Variants in TNS1 observed in about 807,000 individuals in gnomAD.
The protein encoded by TNS1 is tensin 1.
A neutral mutation model predicts 168.6 loss-of-function variants in TNS1; 62 were observed. The ratio of observed to expected loss-of-function variants is 0.37; its 90% CI spans 0.30 to 0.45. The LOEUF (loss-of-function observed/expected upper bound fraction) is 0.45, where lower values mean the gene tolerates loss of function less well. Among genes scored for constraint, TNS1 ranks in the 20% least tolerant of loss-of-function variants. The pLI is 1.00. For synonymous variants in TNS1, 934 were observed against 933.2 expected (o/e 1.00, Z -0.02); for missense variants, 2,240 against 2,339.4 (o/e 0.96, Z 0.88).
At chr2:217,916,594 C>T (rs562551727) in intron 4 of TNS1, among the ~76,000 whole-genome samples, 1 of 152,000 alleles carries the variant, frequency 6.6e-6, no homozygotes, top group Non-Finnish European at 1.5e-5. Flanking sequence ...CATCCTGCCC[C>T]ACCAGTGCCC....
chr2:218,003,896 C>T (rs1958619789), upstream of TNS1, among the ~76,000 whole-genome samples: 1 of 151,992 alleles, frequency 6.6e-6, no homozygotes, highest in Non-Finnish European at 1.5e-5. Flanking sequence ...CTCGCCCCCA[C>T]CTCTGCCCAG....
intron 31 of TNS1, 44 bp from the exon 32 acceptor site, chr2:217,808,151 C>G: frequency 1.2e-6 from 2 of 1,606,504 alleles, no homozygotes; most frequent in Non-Finnish European, 1.7e-6. Flanking sequence ...CGTACTTTCT[C>G]CCTAGAGCCC....
intron 5 of TNS1, among the ~76,000 whole-genome samples, chr2:217,906,649 C>T (rs746130344): frequency 1.3e-5 from 2 of 152,218 alleles, no homozygotes; most frequent in Non-Finnish European, 2.9e-5. Context: ...CAGACAGGCT[C>T]ATGCCTTGCC....
chr2:217,822,596 C>T (rs946766496), intron 22 of TNS1, among the ~76,000 whole-genome samples: 1 of 152,222 alleles, frequency 6.6e-6, no homozygotes, highest in Admixed American at 6.5e-5. Context: ...CATTCCATCG[C>T]CCACCTCTGG....
At chr2:217,956,405 C>T (rs951501862) in intron 3 of TNS1, among the ~76,000 whole-genome samples, 1 of 148,462 alleles carries the variant, frequency 6.7e-6, no homozygotes, top group Non-Finnish European at 1.5e-5. Flanking sequence ...CTGAGGGGCG[C>T]AGCAGAAGGG....
intron 14 of TNS1, 102 bp from the exon 15 acceptor site, chr2:217,885,921 ACCTCTC>A (rs1951157409): frequency 1.9e-6 from 3 of 1,549,780 alleles, no homozygotes; most frequent in Non-Finnish European, 2.7e-6. Context: ...TTAGTGGGAA[ACCTCTC>A]TGACTCTGTC....
In TNS1 at chr2:217,809,340, GATGGATGC is replaced by G. The variant is rs879853160; in HGVS notation, c.5273+475_5273+482del. ...GCATGGATGGATGGATGGATGGATG[GATGGATGC>G]ATGGATGGATGGATGGATGGATGGA... On this transcript the variant is annotated intron_variant, in intron 30 of 32. Coordinates refer to ENST00000682258, the MANE Select transcript of TNS1 (RefSeq NM_001387777.1). 2.7e-3 allele frequency among the ~76,000 whole-genome samples: 188 copies of G among 69,222 alleles called. 4 individuals are homozygous for G. Among genetic ancestry groups the G allele is most frequent in the Non-Finnish European group, 3.1e-3 (104 of 33,052 alleles). 45.4% of individuals were successfully genotyped at this position (69,222 alleles called of 152,430 possible).
chr2:217,825,625 G>A (rs1943502796), intron 22 of TNS1, among the ~76,000 whole-genome samples: 1 of 152,134 alleles, frequency 6.6e-6, no homozygotes, highest in Non-Finnish European at 1.5e-5. Flanking sequence ...AGATAAAGTG[G>A]GCCACACCAC....
rs1937385843 is a variant in TNS1, at chr2:217,800,873, T to A, written c.*3586A>T. ...ACCCTTCTGTGCCCCCTGGACAGCATGCTCCCCTGGAGCCCCTGCACAGGC... is the reference window on the plus strand; with the variant it reads ...ACCCTTCTGTGCCCCCTGGACAGCAAGCTCCCCTGGAGCCCCTGCACAGGC... On this transcript the variant is annotated 3_prime_UTR_variant, in exon 33 of 33. Transcript: ENST00000682258. 6.6e-6 allele frequency: 1 copy of A among 152,234 alleles called. No homozygotes were observed. Among genetic ancestry groups the A allele is most frequent in the Admixed American group, 6.5e-5 (1 of 15,282 alleles). 9.4% of individuals were successfully genotyped at this position (152,234 alleles called of 1,614,324 possible).
At chr2:217,920,639 T>C (rs1345342589) in intron 3 of TNS1, among the ~76,000 whole-genome samples, 2 of 151,500 alleles carry the variant, frequency 1.3e-5, no homozygotes, top group African/African-American at 4.9e-5. Context: ...TTTTAAAAAC[T>C]GTGATTAGGA....
chr2:217,939,965 C>T (rs902182960), intron 3 of TNS1, among the ~76,000 whole-genome samples: 14 of 152,228 alleles, frequency 9.2e-5, no homozygotes, highest in African/African-American at 3.1e-4. Flanking sequence ...GACGGGAAAG[C>T]GCTCCAGACC....
At chr2:217,983,872 G>A (rs372545867) in intron 2 of TNS1, among the ~76,000 whole-genome samples, 6 of 152,188 alleles carry the variant, frequency 3.9e-5, no homozygotes, top group Admixed American at 1.3e-4. Context: ...TCTAGGCCAC[G>A]GTACCTAGAT....
At chr2:217,893,397 C>T (rs567201945) in intron 10 of TNS1, 42 bp downstream of exon 10, 124 of 1,523,802 alleles carry the variant, frequency 8.1e-5, no homozygotes, top group Middle Eastern at 4.2e-4. Context: ...CATGTGCGCG[C>T]GCGCACACAC....
At chr2:217,857,349 C>G (rs1192219594) in intron 18 of TNS1, among the ~76,000 whole-genome samples, 1 of 152,112 alleles carries the variant, frequency 6.6e-6, no homozygotes, top group African/African-American at 2.4e-5. Context: ...CCCAAGGTCA[C>G]CCGGCAAGGA....
chr2:217,872,161 G>A (rs1181764349), intron 18 of TNS1, among the ~76,000 whole-genome samples: 1 of 152,206 alleles, frequency 6.6e-6, no homozygotes, highest in Non-Finnish European at 1.5e-5. Context: ...TTGGGTCTCA[G>A]TTGTAAAAGA....
In TNS1 at chr2:217,995,373, T is replaced by C. The variant is rs1958449344; in HGVS notation, c.34-4317A>G. On this transcript the variant is annotated intron_variant, in intron 1 of 32. Transcript: ENST00000682258. This position sits in a 1 kb window ranked among gnomAD's most constrained non-coding sequence, Gnocchi z 4.1. The stretch of plus-strand genomic sequence containing the variant: ...TATTGTAAGTAGGCACCAGACATCA[T>C]CTGAAGTTCAGAAGGCAAAACCAAA... Among the ~76,000 whole-genome samples the C allele has an allele frequency of 6.6e-6, 1 of 151,932 alleles. No homozygotes were observed. The highest frequency in any genetic ancestry group is 1.5e-5 in the Non-Finnish European group (1 of 67,984).
Position 217,847,758 on chromosome 2 carries a change from G to C in TNS1, c.2759C>G (p.Pro920Arg), listed in dbSNP as rs1946859394. ...ESVPPGRSYS[P>R]YDYQPCLAGP... The stretch of plus-strand genomic sequence containing the variant: ...AGCCAAACATGGCTGATAGTCATAA[G>C]GTGAGTAAGACCTGCCAGGAGGGAC... The change falls in exon 19 of 33, where the codon CCT (proline) becomes CGT (arginine). Residue 920 changes from proline to arginine, a missense_variant. Transcript: ENST00000682258. 1 of 1,608,936 alleles carries C rather than the reference G, an allele frequency of 6.2e-7. No homozygotes were observed. Among genetic ancestry groups the C allele is most frequent in the African/African-American group, 1.3e-5 (1 of 74,854 alleles).
chr2:217,871,468 T>G (rs1949769328), intron 18 of TNS1, among the ~76,000 whole-genome samples: 1 of 152,186 alleles, frequency 6.6e-6, no homozygotes. Context: ...AAGGGGCACA[T>G]GTATCACTCC....
At chr2:217,927,139 C>A (rs996776146) in intron 3 of TNS1, among the ~76,000 whole-genome samples, 2 of 152,160 alleles carry the variant, frequency 1.3e-5, no homozygotes, top group Non-Finnish European at 2.9e-5. Flanking sequence ...TGGCTCAGAG[C>A]CTGATGCCCA....
Sources: gnomAD v4.1 joint callset for allele counts (sites outside exome capture counted in the v4.1 genomes callset) on GRCh38, gnomAD v4.1.1 for gene constraint, Gnocchi (gnomAD v3.1) non-coding constraint, MANE v1.5 for transcripts, NCBI Gene and HGNC (gene_info 2026-07-23, HGNC 2026-07-21) for gene names.